The following FARSB variants were observed in gnomAD, a reference collection of about 807,000 sequenced individuals.
The protein encoded by FARSB is phenylalanyl-tRNA synthetase subunit beta.
In FARSB, 40 loss-of-function variants were observed where a neutral mutation model predicts 69.6. The observed-to-expected ratio is 0.57, with a 90% CI of 0.45 to 0.75. The LOEUF is 0.75. Among genes scored for constraint, FARSB ranks in the 30% least tolerant of loss-of-function variants. The pLI, the probability that FARSB is intolerant of heterozygous loss-of-function variation, is 0.00. For synonymous variants in FARSB, 235 were observed against 247.2 expected, an observed-to-expected ratio of 0.95 and a Z score of 0.46; for missense variants, 632 against 722.9, an observed-to-expected ratio of 0.87 and a Z score of 1.44.
chr2:222,632,741 G>A (rs1193045637), intron 7 of FARSB, among the ~76,000 whole-genome samples: 2 of 151,754 alleles, frequency 1.3e-5, no homozygotes, highest in Non-Finnish European at 2.9e-5. Flanking sequence ...TTGAGCCCAG[G>A]AGTTTAAGGT....
chr2:222,643,807 G>C (rs986652995), intron 2 of FARSB, among the ~76,000 whole-genome samples: 1 of 152,190 alleles, frequency 6.6e-6, no homozygotes, highest in East Asian at 1.9e-4. Context: ...CTAGAATCAC[G>C]TTTAATGCAG....
At chr2:222,584,597 G>A (rs1690058941) in intron 16 of FARSB, among the ~76,000 whole-genome samples, 1 of 152,198 alleles carries the variant, frequency 6.6e-6, no homozygotes, top group African/African-American at 2.4e-5. Flanking sequence ...CTAGCCAAGG[G>A]ATGCCGTGAC....
chr2:222,630,799 G>A (rs1001242660), intron 8 of FARSB, among the ~76,000 whole-genome samples: 2 of 151,998 alleles, frequency 1.3e-5, no homozygotes, highest in Non-Finnish European at 2.9e-5. Flanking sequence ...GTAAATGCAC[G>A]AATTAAATTT....
intron 6 of FARSB, among the ~76,000 whole-genome samples, chr2:222,633,738 C>A (rs1288007293): frequency 6.7e-6 from 1 of 149,736 alleles, no homozygotes; most frequent in African/African-American, 2.5e-5. Context: ...TAAAACAGAC[C>A]CAAATTAAAG....
chr2:222,651,945 C>A (rs967918188), intron 1 of FARSB, among the ~76,000 whole-genome samples: 5 of 152,158 alleles, frequency 3.3e-5, no homozygotes, highest in Admixed American at 6.5e-5. Flanking sequence ...TTATTCCAGG[C>A]CTTCAGACCT....
chr2:222,640,833 A>G, intron 4 of FARSB, 29 bp downstream of exon 4: 1 of 1,257,328 alleles, frequency 8.0e-7, no homozygotes, highest in Non-Finnish European at 1.1e-6. Context: ...AAAATTTTTA[A>G]AAGAAAAATA....
chr2:222,649,865 C>T (rs554764628), intron 1 of FARSB, among the ~76,000 whole-genome samples: 17 of 152,256 alleles, frequency 1.1e-4, no homozygotes, highest in African/African-American at 3.9e-4. Flanking sequence ...TATATTCTAG[C>T]GAAAACTGGT....
intron 15 of FARSB, among the ~76,000 whole-genome samples, chr2:222,601,199 C>T (rs964258614): frequency 2.0e-5 from 3 of 152,134 alleles, no homozygotes; most frequent in Non-Finnish European, 2.9e-5. Context: ...CCCACAACAA[C>T]GTGCACATAG....
rs1048652953 is a variant in FARSB at position 222,569,649 on chromosome 2, G to A, written c.*2222C>T. On this transcript the variant is annotated 3_prime_UTR_variant, in exon 17 of 17. Coordinates refer to ENST00000281828, the MANE Select transcript of FARSB (RefSeq NM_005687.5). ...GTTTTCTCTTAACCCACTGCAGTCA[G>A]TTCTCTTTCCTGAGGTCCTGCCGAC... is the stretch of plus-strand genomic sequence containing the variant. The A allele has an allele frequency of 1.1e-4, 17 of 152,164 alleles. No homozygotes were observed. Among genetic ancestry groups the A allele is most frequent in the Non-Finnish European group, 2.2e-4 (15 of 68,034 alleles). 9.4% of individuals were successfully genotyped at this position (152,164 alleles called of 1,614,324 possible).
At chr2:222,581,924 G>A (rs985627955) in intron 16 of FARSB, among the ~76,000 whole-genome samples, 1 of 152,224 alleles carries the variant, frequency 6.6e-6, no homozygotes, top group Non-Finnish European at 1.5e-5. Context: ...GAAGTCTGGT[G>A]ACCATGGCTG....
Position 222,642,896 on chromosome 2 carries a change from A to C in FARSB, c.224T>G (p.Leu75Arg). 1 of 1,613,202 alleles carries C rather than the reference A, an allele frequency of 6.2e-7. No homozygotes were observed. The highest frequency in any genetic ancestry group is 1.3e-5 in the African/African-American group (1 of 75,058). ...IDVPANRYDL[L>R]CLEGLVRGLQ... ...TCCTCGAACCAATCCTTCCAGACAC[A>C]GGAGATCATATCTATTGGCAGGGAC... is the stretch of plus-strand genomic sequence containing the variant. Residue 75 changes from leucine to arginine, a missense_variant, in exon 3 of 17, where the codon CTG (leucine) becomes CGG (arginine). Physicochemically the swap from Leu to Arg is moderately radical, Grantham distance 102 (BLOSUM62 -2). Transcript: ENST00000281828.
intron 16 of FARSB, among the ~76,000 whole-genome samples, chr2:222,573,602 G>A (rs1219665801): frequency 1.3e-5 from 2 of 151,968 alleles, no homozygotes; most frequent in East Asian, 1.9e-4. Context: ...TCCTCCCCTC[G>A]ACTCCCCAAA....
intron 10 of FARSB, among the ~76,000 whole-genome samples, chr2:222,627,449 G>T (rs552732833): frequency 1.3e-5 from 2 of 152,312 alleles, no homozygotes; most frequent in South Asian, 4.1e-4. Flanking sequence ...AGATCATCCA[G>T]TTGCTAGCCA....
At chr2:222,583,802 A>G (rs1186141512) in intron 16 of FARSB, among the ~76,000 whole-genome samples, 1 of 152,166 alleles carries the variant, frequency 6.6e-6, no homozygotes, top group East Asian at 1.9e-4. Context: ...GGGAGTTCTC[A>G]CAAGATCTGA....
Position 222,624,725 on chromosome 2 carries a change from T to A in FARSB, c.951A>T (p.Lys317Asn), listed in dbSNP as rs1691223675. The A allele has an allele frequency of 6.2e-7, 1 of 1,603,330 alleles. No homozygotes were observed. The highest frequency in any genetic ancestry group is 1.1e-5 in the South Asian group (1 of 89,458). ...TTTTCAGAGCATACCTGATTCCAAC[T>A]TTTTTGTTAATTAGGTCAGCTCTCA... ...EMVRADLINK[K>N]VGIRETPENL... is the part of the protein sequence containing the mutation. Residue 317 changes from lysine to asparagine, a missense_variant, in exon 11 of 17, where the codon AAA (lysine) becomes AAT (asparagine). By Grantham distance (94) the Lys-to-Asn change is moderately conservative (BLOSUM62 0). Coordinates refer to ENST00000281828, the MANE Select transcript of FARSB (RefSeq NM_005687.5).
At chr2:222,615,218 A>G (rs527373411) in intron 14 of FARSB, among the ~76,000 whole-genome samples, 113 of 152,326 alleles carry the variant, frequency 7.4e-4, no homozygotes, top group African/African-American at 2.5e-3. Flanking sequence ...GTGTAACATT[A>G]TTGTGAGAGT....
chr2:222,615,802 G>A (rs2106211397), intron 14 of FARSB, among the ~76,000 whole-genome samples: 1 of 152,306 alleles, frequency 6.6e-6, no homozygotes, highest in East Asian at 1.9e-4. Context: ...ATACCAACAA[G>A]CTGCTACTCG....
chr2:222,633,259 G>C lies in FARSB; in HGVS notation c.655C>G (p.Leu219Val). ...HYLHIIENKP[L>V]YPVIYDSNGV... ...TTGCTATCATAGATAACTGGATACA[G>C]GGGTTTGTTTTCAATGATATGTAAA... Residue 219 changes from leucine (L) to valine (V), a missense_variant, in exon 7 of 17, where the codon CTG becomes GTG. Transcript: ENST00000281828. The C allele has an allele frequency of 6.3e-7, 1 of 1,585,836 alleles. No homozygotes were observed. Among genetic ancestry groups the C allele is most frequent in the Non-Finnish European group, 8.6e-7 (1 of 1,162,192 alleles).
At chr2:222,617,960 C>T in intron 14 of FARSB, among the ~76,000 whole-genome samples, 1 of 152,128 alleles carries the variant, frequency 6.6e-6, no homozygotes, top group Non-Finnish European at 1.5e-5. Flanking sequence ...GAAAAAGGTA[C>T]ATTTCGAATA....
Sources: gnomAD v4.1 joint callset for allele counts (sites outside exome capture counted in the v4.1 genomes callset) on GRCh38, gnomAD v4.1.1 for gene constraint, MANE v1.5 for transcripts, NCBI Gene and HGNC (gene_info 2026-07-23, HGNC 2026-07-21) for gene names.